FANCC: variants seen among roughly 807,000 people sequenced by gnomAD.
FANCC encodes the protein FA complementation group C.
Under a neutral mutation model 71.3 loss-of-function variants are expected in FANCC, and 55 were observed. That is an observed-to-expected ratio of 0.77 (90% CI 0.62 to 0.97). The LOEUF (loss-of-function observed/expected upper bound fraction) is 0.97, where lower values mean the gene tolerates loss of function less well. FANCC is among the 50% of genes least tolerant of loss of function. The pLI is 0.00. For missense variants in FANCC, 678 were observed against 670.9 expected, an observed-to-expected ratio of 1.01 and a Z score of -0.12; for synonymous variants, 275 against 244.9, an observed-to-expected ratio of 1.12 and a Z score of -1.15.
At chr9:95,114,491 C>T in intron 12 of FANCC, 138 bp downstream of exon 12, 1 of 834,548 alleles carries the variant, frequency 1.2e-6, no homozygotes. Context: ...CCACTTCTCA[C>T]TTCACCATGG....
At chr9:95,161,774 C>G (rs1481655453) in intron 6 of FANCC, among the ~76,000 whole-genome samples, 1 of 152,002 alleles carries the variant, frequency 6.6e-6, no homozygotes, top group Non-Finnish European at 1.5e-5. Context: ...CATTGAACAA[C>G]AACTCCCATT....
At chr9:95,117,723 ATTTTTTTT>A (rs33935721) in intron 10 of FANCC, among the ~76,000 whole-genome samples, 1 of 136,822 alleles carries the variant, frequency 7.3e-6, no homozygotes, top group Non-Finnish European at 1.6e-5. Context: ...GTATTTCAGC[ATTTTTTTT>A]TTTTTTTTTG....
chr9:95,195,261 GAA>G (rs1827381116), intron 4 of FANCC, among the ~76,000 whole-genome samples: 2 of 72,424 alleles, frequency 2.8e-5, no homozygotes, highest in Non-Finnish European at 5.5e-5. Flanking sequence ...TTTTTTTTTT[GAA>G]AAGTTTTATA....
rs34671520 is a variant in FANCC, at chr9:95,135,349, C to T, written c.840G>A (p.Ser280=). ...TTCATCAAAACCCAGTACGTACCAG[C>T]GATGAATCTTTTATAAAGCATTCGA... is the stretch of plus-strand genomic sequence containing the variant. ...RRIECFIKDS[S]LPQAACHPAI... Residue 280 remains serine (S), a synonymous_variant, in exon 8 of 15, where the codon TCG becomes TCA. Coordinates refer to ENST00000289081, the MANE Select transcript of FANCC (RefSeq NM_000136.3). 529 of 1,613,856 alleles carry T rather than the reference C, an allele frequency of 3.3e-4. 1 individual carries two copies. In the African/African-American group the frequency reaches 4.8e-3, roughly 15 times the overall value.
intron 2 of FANCC, among the ~76,000 whole-genome samples, chr9:95,248,117 A>C (rs1031113797): frequency 1.3e-5 from 2 of 152,232 alleles, no homozygotes; most frequent in Non-Finnish European, 2.9e-5. Context: ...AAAAGGATCA[A>C]CCAAATAGAA....
chr9:95,292,949 G>A, intron 1 of FANCC: 2 of 1,579,814 alleles, frequency 1.3e-6, no homozygotes, highest in Non-Finnish European at 1.7e-6. Context: ...GAAAAGCATT[G>A]CAGTCTCACA....
rs1449896448 is a variant in FANCC at position 95,247,385 on chromosome 9, CAA to C, written c.250+45_250+46del. The C allele has an allele frequency of 3.6e-6, 5 of 1,389,806 alleles. No homozygotes were observed. In the African/African-American group the frequency reaches 7.1e-5, roughly 20 times the overall value. The allele number at this position is 1,389,806 out of a possible 1,614,324, so 86.1% of individuals were successfully genotyped here. A position where few individuals can be genotyped will look rare whatever the true frequency, so the allele number is the denominator to read the frequency against. ...TAATGTAAGCCTCTGTGAAACAATG[CAA>C]AGATTAAAATAGCCATTTTGAGAGG... is the stretch of plus-strand genomic sequence containing the variant. On this transcript the variant is annotated intron_variant, in intron 3 of 14. Coordinates refer to ENST00000289081, the MANE Select transcript of FANCC (RefSeq NM_000136.3).
At chr9:95,134,877 A>G (rs1440869742) in intron 8 of FANCC, among the ~76,000 whole-genome samples, 5 of 152,262 alleles carry the variant, frequency 3.3e-5, no homozygotes, top group Non-Finnish European at 5.9e-5. Flanking sequence ...GCCTCACACC[A>G]AAAGAAAACT....
At chr9:95,170,387 A>G (rs1392693541) in intron 6 of FANCC, among the ~76,000 whole-genome samples, 7 of 147,240 alleles carry the variant, frequency 4.8e-5, no homozygotes, top group Admixed American at 1.4e-4. Flanking sequence ...TGAATTAGCA[A>G]TAGCTTTACA....
At chr9:95,128,740 C>T (rs1826401220) in intron 8 of FANCC, among the ~76,000 whole-genome samples, 1 of 152,230 alleles carries the variant, frequency 6.6e-6, no homozygotes, top group African/African-American at 2.4e-5. Flanking sequence ...CTTCCCCATA[C>T]AGATGGACTC....
chr9:95,182,316 C>T (rs988922885), intron 4 of FANCC, among the ~76,000 whole-genome samples: 9 of 151,678 alleles, frequency 5.9e-5, no homozygotes, highest in Non-Finnish European at 1.2e-4. Flanking sequence ...GTCAGGAGAT[C>T]GAGACCATCC....
At chr9:95,232,210 A>T (rs903120292) in intron 4 of FANCC, among the ~76,000 whole-genome samples, 48 of 152,214 alleles carry the variant, frequency 3.2e-4, no homozygotes, top group Non-Finnish European at 6.3e-4. Flanking sequence ...AACTAGTAGT[A>T]CCAGGGGGAT....
At chr9:95,177,299 A>G (rs1826068401) in intron 4 of FANCC, among the ~76,000 whole-genome samples, 1 of 152,224 alleles carries the variant, frequency 6.6e-6, no homozygotes, top group Admixed American at 6.5e-5. Flanking sequence ...AAACTATGGT[A>G]TAACACTGAA....
Position 95,135,480 on chromosome 9 carries a change from A to C in FANCC, c.709T>G (p.Ser237Ala). The C allele has an allele frequency of 6.2e-7, 1 of 1,614,094 alleles. No individual in the cohort carries two copies. Among genetic ancestry groups the C allele is most frequent in the Non-Finnish European group, 8.5e-7 (1 of 1,180,018 alleles). Residue 237 changes from serine to alanine, a missense_variant, in exon 8 of 15, where the codon TCA becomes GCA. Physicochemically the swap from Ser to Ala is moderately conservative, Grantham distance 99 (BLOSUM62 1). Coordinates refer to ENST00000289081, the MANE Select transcript of FANCC (RefSeq NM_000136.3). ...CGAAGCCAGAGGCAGACTACAGCTG[A>C]CATGGGGAGAGAAATCTTCTTCCTT... is the stretch of plus-strand genomic sequence containing the variant. ...ILLKKISLPM[S>A]AVVCLWLRHL... is the part of the protein sequence containing the mutation.
At position 95,278,695 on chromosome 9, in the gene FANCC, C is replaced by T. The variant is rs550818292; in HGVS notation, c.-78-29326G>A. Among the ~76,000 whole-genome samples, 28 of 152,202 alleles carry T rather than the reference C, an allele frequency of 1.8e-4. 1 individual carries two copies. In the South Asian group the frequency reaches 5.8e-3, roughly 32 times the overall value. On this transcript the variant is annotated intron_variant, in intron 1 of 14. Coordinates refer to ENST00000289081, the MANE Select transcript of FANCC (RefSeq NM_000136.3). ...AATTTCTGACTTACAATATTTTCAA[C>T]TTATGATGATATAACTCCATCATAA...
intron 7 of FANCC, among the ~76,000 whole-genome samples, chr9:95,146,487 C>CAAA (rs61093923): frequency 0.23 from 10,302 of 45,372 alleles, 2,379 homozygotes; most frequent in Middle Eastern, 0.33. Context: ...GACCCCATCT[C>CAAA]AAAAAAAAAA....
chr9:95,206,965 G>C (rs1472737125), intron 4 of FANCC, among the ~76,000 whole-genome samples: 2 of 152,110 alleles, frequency 1.3e-5, no homozygotes, highest in African/African-American at 4.8e-5. Flanking sequence ...AGAAAAAGAG[G>C]TGAACTAATG....
At chr9:95,225,329 G>A (rs1341756265) in intron 4 of FANCC, among the ~76,000 whole-genome samples, 3 of 152,190 alleles carry the variant, frequency 2.0e-5, no homozygotes, top group African/African-American at 7.2e-5. Context: ...GTTCCAAGGA[G>A]CATTACTCAG....
At position 95,100,444 on chromosome 9, in the gene FANCC, C is replaced by T. The variant is rs374807520; in HGVS notation, c.*1263G>A. On this transcript the variant is annotated 3_prime_UTR_variant, in exon 15 of 15. Coordinates refer to ENST00000289081, the MANE Select transcript of FANCC (RefSeq NM_000136.3). ...ACTTCTAATCCAGCAAAACTTTGCT[C>T]ATACCTCAAAACGGAGCCAAGACTC... 1.3e-5 allele frequency: 3 copies of T among 231,408 alleles called. No homozygotes were observed. The East Asian group carries it at 1.8e-4, about 14-fold the overall frequency. 14.3% of individuals were successfully genotyped at this position (231,408 alleles called of 1,614,324 possible).
Sources: gnomAD v4.1 joint callset for allele counts (sites outside exome capture counted in the v4.1 genomes callset) on GRCh38, gnomAD v4.1.1 for gene constraint, MANE v1.5 for transcripts, NCBI Gene and HGNC (gene_info 2026-07-23, HGNC 2026-07-21) for gene names.